The following AKAP9 variants were observed in gnomAD, a reference collection of about 807,000 sequenced individuals.
The protein encoded by AKAP9 is A-kinase anchor protein 9.
Under a neutral mutation model 488.5 loss-of-function variants are expected in AKAP9, and 311 were observed. The observed-to-expected ratio is 0.64, with a 90% CI of 0.58 to 0.70. The LOEUF is 0.70. Among genes scored for constraint, AKAP9 ranks in the 30% least tolerant of loss-of-function variants. The pLI is 0.00. For missense variants in AKAP9, 4,215 were observed against 4,374.5 expected, an observed-to-expected ratio of 0.96 and a Z score of 1.03; for synonymous variants, 1,462 against 1,483.5, an observed-to-expected ratio of 0.99 and a Z score of 0.33.
intron 16 of AKAP9, among the ~76,000 whole-genome samples, chr7:92,035,326 C>T (rs1051672295): frequency 8.5e-5 from 13 of 152,176 alleles, no homozygotes; most frequent in African/African-American, 2.2e-4. Flanking sequence ...CAAAATACCT[C>T]ATATAATTTC....
At chr7:92,008,152 A>C (rs889288444) in intron 8 of AKAP9, among the ~76,000 whole-genome samples, 6 of 148,542 alleles carry the variant, frequency 4.0e-5, no homozygotes, top group Admixed American at 6.7e-5. Flanking sequence ...GACAGATCAC[A>C]AGGTCAGGAG....
At chr7:92,033,467 A>G (rs1804641945) in intron 16 of AKAP9, among the ~76,000 whole-genome samples, 1 of 126,380 alleles carries the variant, frequency 7.9e-6, no homozygotes, top group Admixed American at 9.1e-5. Context: ...TTTTTTTGAG[A>G]CAGGGTCTGG....
At chr7:91,975,828 C>G (rs552173359) in intron 2 of AKAP9, among the ~76,000 whole-genome samples, 1 of 150,020 alleles carries the variant, frequency 6.7e-6, no homozygotes, top group East Asian at 2.0e-4. Context: ...CCTTTTATTC[C>G]TGGTTCATTA....
intron 2 of AKAP9, among the ~76,000 whole-genome samples, chr7:91,978,241 CAAAAAAA>C (rs11295179): frequency 2.3e-5 from 2 of 88,734 alleles, no homozygotes; most frequent in Non-Finnish European, 4.7e-5. Flanking sequence ...GACTCTGTCT[CAAAAAAA>C]AAAAAAAAAA....
At position 92,099,889 on chromosome 7, in the gene AKAP9, C is replaced by CT. The variant is rs754488947; in HGVS notation, c.10896+21dup. The CT allele has an allele frequency of 6.2e-7, 1 of 1,611,030 alleles. No homozygotes were observed. The highest frequency in any genetic ancestry group is 8.5e-7 in the Non-Finnish European group (1 of 1,177,460). On this transcript the variant is annotated intron_variant, in intron 44 of 49. Transcript: ENST00000356239. ...GATAATGTATGTCCATTTTTAGCAT[C>CT]TCCATATATGAGAATTAGTGCATGC...
chr7:91,943,671 CATAAT>C (rs1311208371), intron 1 of AKAP9, among the ~76,000 whole-genome samples: 1 of 152,044 alleles, frequency 6.6e-6, no homozygotes, highest in Admixed American at 6.5e-5. Flanking sequence ...ATTAATGCAC[CATAAT>C]ATAATGCCTT....
At position 92,001,143 on chromosome 7, in the gene AKAP9, A is replaced by C. The variant is rs138535219; in HGVS notation, c.1226A>C (p.His409Pro). 25 of 1,613,974 alleles carry C rather than the reference A, an allele frequency of 1.5e-5. No individual in the cohort carries two copies. In the African/African-American group the frequency reaches 3.2e-4, roughly 21 times the overall value. ...GTCGAAGAACTTCAGAAGAGAAATC[A>C]TAAAGACAGCCAGTTCGAAACTGAT... ...GTVEELQKRNHKDSQFETDIV... is the reference protein window; with the variant it reads ...GTVEELQKRNPKDSQFETDIV... The change falls in exon 8 of 50, where the codon CAT becomes CCT. Residue 409 changes from histidine to proline, a missense_variant. By Grantham distance (77) the His-to-Pro change is moderately conservative (BLOSUM62 -2). This residue lies in a region of AKAP9 where 2,361 missense variants were observed against 2,430.0 expected (regional missense o/e 0.97). Transcript: ENST00000356239.
At chr7:92,084,798 A>G (rs1814218336) in intron 34 of AKAP9, 21 bp from the exon 35 acceptor site, 1 of 1,610,400 alleles carries the variant, frequency 6.2e-7, no homozygotes, top group African/African-American at 1.3e-5. Flanking sequence ...TTTTAACAGC[A>G]AATTATTTTC....
At chr7:91,957,910 CCCCT>C (rs1793244659) in intron 1 of AKAP9, among the ~76,000 whole-genome samples, 1 of 152,120 alleles carries the variant, frequency 6.6e-6, no homozygotes, top group Non-Finnish European at 1.5e-5. Flanking sequence ...AAAAATACTG[CCCCT>C]GTGCTATTTT....
intron 21 of AKAP9, among the ~76,000 whole-genome samples, chr7:92,047,129 C>T (rs1807137718): frequency 6.6e-6 from 1 of 152,184 alleles, no homozygotes; most frequent in Non-Finnish European, 1.5e-5. Context: ...GACTTCTGAT[C>T]CACTAGCCTA....
At chr7:92,097,486 A>C in intron 41 of AKAP9, 100 bp from the exon 42 acceptor site, 2 of 1,488,346 alleles carry the variant, frequency 1.3e-6, no homozygotes, top group Non-Finnish European at 1.8e-6. Context: ...AATCTATAGA[A>C]GTTTATTGGA....
intron 1 of AKAP9, among the ~76,000 whole-genome samples, chr7:91,956,593 T>C (rs768894228): frequency 6.6e-6 from 1 of 152,194 alleles, no homozygotes; most frequent in African/African-American, 2.4e-5. Flanking sequence ...CTAAGGAGTA[T>C]GCATTGTACT....
chr7:92,083,027 C>G, intron 32 of AKAP9, 143 bp from the exon 33 acceptor site: 1 of 895,344 alleles, frequency 1.1e-6, no homozygotes, highest in Non-Finnish European at 1.7e-6. Flanking sequence ...AAACTGTGAG[C>G]GTTTCTGAAA....
intron 3 of AKAP9, among the ~76,000 whole-genome samples, chr7:91,984,851 C>A (rs1796867113): frequency 6.6e-6 from 1 of 152,008 alleles, no homozygotes; most frequent in Admixed American, 6.6e-5. Flanking sequence ...CTTCACATCC[C>A]TTGTAAGTTG....
intron 26 of AKAP9, among the ~76,000 whole-genome samples, chr7:92,068,612 A>G (rs1811181559): frequency 6.6e-6 from 1 of 151,164 alleles, no homozygotes; most frequent in African/African-American, 2.4e-5. Flanking sequence ...TTTTTTTTCT[A>G]CTGTTGCACC....
intron 26 of AKAP9, among the ~76,000 whole-genome samples, 194 bp from the exon 27 acceptor site, chr7:92,069,836 G>A (rs530074414): frequency 5.3e-5 from 8 of 152,176 alleles, no homozygotes; most frequent in East Asian, 1.9e-4. Context: ...CATGACGATC[G>A]TGCCTGTAAA....
Position 92,096,951 on chromosome 7 carries a change from G to A in AKAP9, c.9992G>A (p.Gly3331Asp). The change falls in exon 41 of 50, where the codon GGT becomes GAT. Residue 3331 changes from glycine (G) to aspartate (D), a missense_variant. Coordinates refer to ENST00000356239, the MANE Select transcript of AKAP9 (RefSeq NM_005751.5). ...CACGCACAGCTGCAGAGCAGTGATG[G>A]TACTGGACAGTCTCGGCCACCCTTG... is the stretch of plus-strand genomic sequence containing the variant. Reference protein sequence around the residue: ...ELHAQLQSSDGTGQSRPPLPS... With the variant: ...ELHAQLQSSDDTGQSRPPLPS... 6.2e-7 allele frequency: 1 copy of A among 1,614,206 alleles called. No individual in the cohort carries two copies. The highest frequency in any genetic ancestry group is 1.1e-5 in the South Asian group (1 of 91,086).
intron 12 of AKAP9, 135 bp downstream of exon 12, chr7:92,017,237 T>C (rs1801638603): frequency 1.4e-6 from 1 of 697,884 alleles, no homozygotes; most frequent in Admixed American, 2.4e-5. Flanking sequence ...TGACATATAT[T>C]TGTAGTAGAT....
In AKAP9 at chr7:92,038,399, G is replaced by A. The variant is rs768847082; in HGVS notation, c.4339-20G>A. 6 of 1,564,634 alleles carry A rather than the reference G, an allele frequency of 3.8e-6. No homozygotes were observed. Among genetic ancestry groups the A allele is most frequent in the South Asian group, 1.1e-5 (1 of 89,702 alleles). On this transcript the variant is annotated intron_variant, in intron 16 of 49. Transcript: ENST00000356239. ...ATATTTCTAAATCTAATCCTTTATTGTTTGCTTTTATTTCTTTAGGTTATT... is the reference window on the plus strand; with the variant it reads ...ATATTTCTAAATCTAATCCTTTATTATTTGCTTTTATTTCTTTAGGTTATT...
Sources: gnomAD v4.1 joint callset for allele counts (sites outside exome capture counted in the v4.1 genomes callset) on GRCh38, gnomAD v4.1.1 for gene constraint, gnomAD v4.1.1 regional missense constraint, MANE v1.5 for transcripts, NCBI Gene and HGNC (gene_info 2026-07-23, HGNC 2026-07-21) for gene names.